ACADVL: variants seen among roughly 807,000 people sequenced by gnomAD.
ACADVL encodes the protein very long-chain acyl-CoA dehydrogenase, mitochondrial.
Under a neutral mutation model 80.4 loss-of-function variants are expected in ACADVL, and 73 were observed. The observed-to-expected ratio is 0.91, with a 90% CI of 0.75 to 1.10. The LOEUF is 1.10. Among genes scored for constraint, ACADVL ranks in the 50% least tolerant of loss-of-function variants. The pLI, the probability that ACADVL is intolerant of heterozygous loss-of-function variation, is 0.00. For missense variants in ACADVL, 878 were observed against 858.9 expected (o/e 1.02, Z -0.28); for synonymous variants, 392 against 326.5 (o/e 1.20, Z -2.16).
Position 7,222,284 on chromosome 17 carries a change from G to T in ACADVL, c.860G>T (p.Gly287Val), listed in dbSNP as rs1342933408. 6.2e-7 allele frequency: 1 copy of T among 1,614,084 alleles called. No homozygotes were observed. Among genetic ancestry groups the T allele is most frequent in the South Asian group, 1.1e-5 (1 of 91,082 alleles). ...ATCACAGCTTTTGTGGTGGAGAGGG[G>T]CTTCGGGGGCATTACCCAGTGAGTG... ...EKITAFVVER[G>V]FGGITHGPPE... The change falls in exon 9 of 20, where the codon GGC becomes GTC. Residue 287 changes from glycine to valine, a missense_variant. Physicochemically the swap from Gly to Val is moderately radical, Grantham distance 109 (BLOSUM62 -3). Transcript: ENST00000356839.
upstream of ACADVL, chr17:7,219,098 G>A (rs1391124911): frequency 3.5e-6 from 2 of 566,020 alleles, no homozygotes; most frequent in Admixed American, 3.2e-5. Flanking sequence ...CCTCACAGAG[G>A]GCTCCAGCAG....
At chr17:7,219,925 C>T (rs1421475462), upstream of ACADVL, 23 of 1,572,440 alleles carry the variant, frequency 1.5e-5, no homozygotes, top group African/African-American at 2.7e-5. Context: ...AGGACGTGGG[C>T]GTGCAGGACG....
chr17:7,218,222 C>T, upstream of ACADVL: 1 of 1,603,558 alleles, frequency 6.2e-7, no homozygotes, highest in South Asian at 1.1e-5. Flanking sequence ...AAGTTAGGCG[C>T]TCGCCCCCAC....
upstream of ACADVL, chr17:7,219,798 TAA>T (rs2071092194): frequency 6.6e-7 from 1 of 1,523,180 alleles, no homozygotes; most frequent in Non-Finnish European, 8.8e-7. Context: ...GAGATCCCTC[TAA>T]GTCAGCGGAA....
At position 7,224,519 on chromosome 17, in the gene ACADVL, G is replaced by A; in HGVS notation, c.1645G>A (p.Ala549Thr). ...ALEQFATVVE[A>T]KLIKHKKGIV... ...GGAGCAGTTTGCCACTGTGGTGGAG[G>A]CCAAGCTGATAAAACACAAGAAGGG... The change falls in exon 17 of 20, where the codon GCC becomes ACC. Residue 549 changes from alanine (A) to threonine (T), a missense_variant. Ala to Thr is a moderately conservative substitution (Grantham distance 58). Transcript: ENST00000356839. 2 of 1,613,260 alleles carry A rather than the reference G, an allele frequency of 1.2e-6. No individual in the cohort carries two copies. The highest frequency in any genetic ancestry group is 1.7e-4 in the Middle Eastern group (1 of 6,050).
upstream of ACADVL, chr17:7,218,965 C>A: frequency 8.9e-7 from 1 of 1,120,444 alleles, no homozygotes; most frequent in Non-Finnish European, 1.3e-6. Flanking sequence ...ACCAGCTGTC[C>A]CATTCCCCCA....
chr17:7,224,299 T>A (rs2071370684), intron 15 of ACADVL, 22 bp from the exon 16 acceptor site: 1 of 1,613,480 alleles, frequency 6.2e-7, no homozygotes, highest in Admixed American at 1.7e-5. Context: ...AACTAACCAG[T>A]CATTCTCCCT....
In ACADVL at chr17:7,225,204, G is replaced by A. The variant is rs1019934988; in HGVS notation, c.*107G>A. 1 of 1,488,212 alleles carries A rather than the reference G, an allele frequency of 6.7e-7. No individual in the cohort carries two copies. Among genetic ancestry groups the A allele is most frequent in the Non-Finnish European group, 9.3e-7 (1 of 1,077,750 alleles). The allele number at this position is 1,488,212 out of a possible 1,614,324, so 92.2% of individuals were successfully genotyped here. A position where few individuals can be genotyped will look rare whatever the true frequency, so the allele number is the denominator to read the frequency against. On this transcript the variant is annotated 3_prime_UTR_variant, in exon 20 of 20. Coordinates refer to ENST00000356839, the MANE Select transcript of ACADVL (RefSeq NM_000018.4). ...GTCCCGAAGGGGCCTAGTGTTCCCA[G>A]CACTGTGCCTGCTCTCAAGAGCACT...
Position 7,224,402 on chromosome 17 carries a change from C to T in ACADVL, c.1605+9C>T, listed in dbSNP as rs1370192669. 4.3e-6 allele frequency: 7 copies of T among 1,613,718 alleles called. No homozygotes were observed. Among genetic ancestry groups the T allele is most frequent in the Non-Finnish European group, 5.9e-6 (7 of 1,179,910 alleles). ...GTCGGAGTGGCGAGCTGGTAAGTGG[C>T]CAGGGGTCCAGGAGAGCCTGCATCA... On this transcript the variant is annotated intron_variant, in intron 16 of 19. Transcript: ENST00000356839.
upstream of ACADVL, chr17:7,217,852 A>G (rs773381943): frequency 2.0e-6 from 3 of 1,528,366 alleles, no homozygotes; most frequent in South Asian, 3.6e-5. Flanking sequence ...GGAAGCATCT[A>G]TAGTTGGGCT....
intron 10 of ACADVL, 49 bp downstream of exon 10, chr17:7,222,914 G>A (rs1481445493): frequency 1.3e-6 from 2 of 1,597,160 alleles, no homozygotes; most frequent in Non-Finnish European, 8.5e-7. Flanking sequence ...AAGTCTCACT[G>A]TCCCCCTTGC....
chr17:7,218,245 C>G, upstream of ACADVL: 1 of 1,609,592 alleles, frequency 6.2e-7, no homozygotes, highest in Non-Finnish European at 8.5e-7. Context: ...CCTTACCTGA[C>G]TCTCTGAGAG....
Position 7,223,894 on chromosome 17 carries a change from C to G in ACADVL, c.1332+19C>G, listed in dbSNP as rs765553926. On this transcript the variant is annotated intron_variant, in intron 13 of 19. Coordinates refer to ENST00000356839, the MANE Select transcript of ACADVL (RefSeq NM_000018.4). ...CATGAAGGTACAGGACGGTCTTCTGCAGAGCCTCGGCTGGGCCAGGGGTGG... is the reference window on the plus strand; with the variant it reads ...CATGAAGGTACAGGACGGTCTTCTGGAGAGCCTCGGCTGGGCCAGGGGTGG... The G allele has an allele frequency of 3.7e-6, 6 of 1,613,942 alleles. No homozygotes were observed. Among genetic ancestry groups the G allele is most frequent in the Non-Finnish European group, 5.1e-6 (6 of 1,180,016 alleles).
At chr17:7,222,594 G>T in intron 9 of ACADVL, 73 bp from the exon 10 acceptor site, 1 of 1,446,074 alleles carries the variant, frequency 6.9e-7, no homozygotes, top group Non-Finnish European at 9.5e-7. Flanking sequence ...TGCATAAGGA[G>T]CGAAGGAGCA....
rs748450834 is a variant in ACADVL at position 7,223,856 on chromosome 17, G to C, written c.1313G>C (p.Gly438Ala). 4 of 1,614,092 alleles carry C rather than the reference G, an allele frequency of 2.5e-6. No individual in the cohort carries two copies. The highest frequency in any genetic ancestry group is 2.2e-5 in the South Asian group (2 of 91,088). Residue 438 changes from glycine to alanine, a missense_variant, in exon 13 of 20, where the codon GGG (glycine) becomes GCG (alanine). Transcript: ENST00000356839. ...ACAGATGAATGCATCCAAATCATGG[G>C]GGGTATGGGCTTCATGAAGGTACAG... ...KVTDECIQIM[G>A]GMGFMKEPGV...
intron 3 of ACADVL, 31 bp from the exon 4 acceptor site, chr17:7,220,573 A>G (rs1272226165): frequency 1.2e-6 from 2 of 1,614,092 alleles, no homozygotes; most frequent in East Asian, 2.2e-5. Context: ...AGACCCAACC[A>G]GAGCCCTGAA....
chr17:7,218,536 C>G, upstream of ACADVL: 1 of 1,556,998 alleles, frequency 6.4e-7, no homozygotes. Flanking sequence ...AAACGGGCTA[C>G]TCACCCAGCA....
At chr17:7,220,701 G>C (rs1158203136) in intron 4 of ACADVL, 25 bp downstream of exon 4, 10 of 1,613,990 alleles carry the variant, frequency 6.2e-6, no homozygotes, top group Non-Finnish European at 7.6e-6. Flanking sequence ...AATCAGAGCT[G>C]GGTGGGGCCA....
intron 6 of ACADVL, 118 bp from the exon 7 acceptor site, chr17:7,221,420 C>A (rs1219890884): frequency 1.3e-5 from 13 of 985,650 alleles, no homozygotes; most frequent in Non-Finnish European, 1.8e-5. Context: ...CCAGGTCAGG[C>A]ACTGCCCTAG....
Sources: gnomAD v4.1 joint callset for allele counts on GRCh38, gnomAD v4.1.1 for gene constraint, MANE v1.5 for transcripts, NCBI Gene and HGNC (gene_info 2026-07-23, HGNC 2026-07-21) for gene names.